The following GATAD2A variants were observed in gnomAD, a reference collection of about 807,000 sequenced individuals.
GATAD2A encodes the protein GATA zinc finger domain containing 2A, also known as transcriptional repressor p66-alpha.
In GATAD2A, 12 loss-of-function variants were observed where a neutral mutation model predicts 68.5. The observed-to-expected ratio is 0.18, with a 90% CI of 0.11 to 0.28. The LOEUF is 0.28. Ranked by LOEUF, GATAD2A falls within the 10% of genes least tolerant of loss-of-function variation. The probability of loss-of-function intolerance (pLI) is 1.00; values close to 1 mark genes in which losing one functional copy is unlikely to be tolerated. For synonymous variants in GATAD2A, 410 were observed against 375.3 expected (o/e 1.09, Z -1.07); for missense variants, 755 against 868.5 (o/e 0.87, Z 1.64).
chr19:19,391,485 A>G (rs1431769793), intron 1 of GATAD2A, among the ~76,000 whole-genome samples: 17 of 152,202 alleles, frequency 1.1e-4, no homozygotes. Flanking sequence ...AATTTATTAT[A>G]TTTAAAATAT....
upstream of GATAD2A, chr19:19,401,971 G>A (rs2049792484): frequency 6.6e-6 from 1 of 152,194 alleles, no homozygotes; most frequent in Non-Finnish European, 1.5e-5. Context: ...TATTTTTGCT[G>A]TAGTTAAGGT....
intron 8 of GATAD2A, among the ~76,000 whole-genome samples, chr19:19,498,972 G>A (rs1002710355): frequency 1.3e-5 from 2 of 152,226 alleles, no homozygotes; most frequent in African/African-American, 4.8e-5. Context: ...CCTCCGTGAC[G>A]TTGGCGTGTG....
chr19:19,498,528 C>T lies in GATAD2A; in HGVS notation c.1010C>T (p.Ser337Phe). ...TPTSVASVVT[S>F]AESPASRQAA... ...ACTAGTGTGGCCTCTGTGGTCACCT[C>T]TGCCGAGTCTCCAGCAAGCCGACAG... Residue 337 changes from serine (S) to phenylalanine (F), a missense_variant, in exon 8 of 12, where the codon TCT becomes TTT. By Grantham distance (155) the Ser-to-Phe change is radical (BLOSUM62 -2). Coordinates refer to ENST00000683918, the MANE Select transcript of GATAD2A (RefSeq NM_001384528.1). 1.2e-6 allele frequency: 2 copies of T among 1,613,930 alleles called. No individual in the cohort carries two copies. Among genetic ancestry groups the T allele is most frequent in the African/African-American group, 1.3e-5 (1 of 75,080 alleles).
intron 7 of GATAD2A, among the ~76,000 whole-genome samples, chr19:19,497,604 TG>T (rs2060236800): frequency 6.6e-6 from 1 of 152,106 alleles, no homozygotes; most frequent in Non-Finnish European, 1.5e-5. Context: ...GGCCGGTCTC[TG>T]GGAACCTTTC....
At chr19:19,490,847 G>A (rs1465409959) in intron 2 of GATAD2A, among the ~76,000 whole-genome samples, 4 of 152,186 alleles carry the variant, frequency 2.6e-5, no homozygotes, top group South Asian at 2.1e-4. Context: ...ATTGCACTAC[G>A]GCACTCCAGC....
intron 1 of GATAD2A, among the ~76,000 whole-genome samples, chr19:19,424,374 C>CGAA (rs2052805516): frequency 2.0e-5 from 3 of 152,158 alleles, no homozygotes; most frequent in South Asian, 2.1e-4. Flanking sequence ...TGACCATAGG[C>CGAA]ATGAGCCAGC....
intron 2 of GATAD2A, among the ~76,000 whole-genome samples, chr19:19,491,927 A>G (rs2059818504): frequency 6.6e-6 from 1 of 152,230 alleles, no homozygotes; most frequent in Non-Finnish European, 1.5e-5. Context: ...CACAATGGCT[A>G]ACACTGAGCA....
chr19:19,394,435 G>A (rs1156419828), intron 1 of GATAD2A, among the ~76,000 whole-genome samples: 1 of 151,300 alleles, frequency 6.6e-6, no homozygotes, highest in Non-Finnish European at 1.5e-5. Flanking sequence ...CCCTCTGCCC[G>A]GGCTTTCCTC....
At chr19:19,474,223 G>C in intron 2 of GATAD2A, 1 of 927,824 alleles carries the variant, frequency 1.1e-6, no homozygotes, top group Non-Finnish European at 1.3e-6. Context: ...AGGAGGGTGA[G>C]GTCGACACTG....
At chr19:19,398,878 G>A (rs1750863333) in intron 1 of GATAD2A, among the ~76,000 whole-genome samples, 1 of 151,992 alleles carries the variant, frequency 6.6e-6, no homozygotes, top group Non-Finnish European at 1.5e-5. Context: ...GGCCAACATG[G>A]TGAAACCCTG....
rs1441703763 is a variant in GATAD2A at position 19,462,119 on chromosome 19, C to CA, written c.-6-3220dup. 2.6e-5 allele frequency among the ~76,000 whole-genome samples: 4 copies of CA among 152,354 alleles called. No individual in the cohort carries two copies. The East Asian group carries it at 7.7e-4, about 29-fold the overall frequency. On this transcript the variant is annotated intron_variant, in intron 1 of 11. Transcript: ENST00000683918. Reference sequence around the variant, plus strand: ...TTAGGAAGTGTTCTAATGTACCCCCCACTGCTCTTTGCAGGAGTCATCTGT... The same window carrying CA: ...TTAGGAAGTGTTCTAATGTACCCCCCAACTGCTCTTTGCAGGAGTCATCTGT...
At chr19:19,482,875 G>A (rs1448056512) in intron 2 of GATAD2A, among the ~76,000 whole-genome samples, 1 of 151,914 alleles carries the variant, frequency 6.6e-6, no homozygotes, top group Non-Finnish European at 1.5e-5. Flanking sequence ...TTGGGCTGCA[G>A]TGGCCTCTGT....
chr19:19,458,667 A>G (rs1364415846), intron 1 of GATAD2A: 1 of 152,192 alleles, frequency 6.6e-6, no homozygotes, highest in Non-Finnish European at 1.5e-5. Context: ...TGGCCTATAT[A>G]GAAGGCGGGC....
At chr19:19,494,216 T>G (rs1271301658) in intron 4 of GATAD2A, 78 bp from the exon 5 acceptor site, 2 of 747,664 alleles carry the variant, frequency 2.7e-6, no homozygotes, top group Admixed American at 2.2e-5. Context: ...TTCGGCAGCA[T>G]TAAATCTTGG....
chr19:19,504,642 T>G (rs2060766340), intron 11 of GATAD2A, among the ~76,000 whole-genome samples: 2 of 87,700 alleles, frequency 2.3e-5, no homozygotes, highest in Middle Eastern at 7.2e-3. Context: ...TTTTTTTCCT[T>G]TTTTTTTTTT....
intron 5 of GATAD2A, among the ~76,000 whole-genome samples, chr19:19,495,491 T>C (rs1568335895): frequency 6.6e-6 from 1 of 152,028 alleles, no homozygotes; most frequent in Non-Finnish European, 1.5e-5. Context: ...GTATTTTTAG[T>C]AGAGATGGGG....
chr19:19,496,000 T>C (rs1242784450), intron 6 of GATAD2A, 52 bp from the exon 7 acceptor site: 3 of 1,595,294 alleles, frequency 1.9e-6, no homozygotes, highest in African/African-American at 2.7e-5. Context: ...CCGGTCCCGC[T>C]CCATTGTTGA....
chr19:19,425,780 TTTTTC>T (rs1454166843), intron 1 of GATAD2A, among the ~76,000 whole-genome samples: 4 of 151,544 alleles, frequency 2.6e-5, no homozygotes, highest in African/African-American at 4.9e-5. Context: ...AGTGGTTTTC[TTTTTC>T]TTTTCTTTTC....
At position 19,414,682 on chromosome 19, in the gene GATAD2A, G is replaced by A. The variant is rs1415309521; in HGVS notation, c.-7+8663G>A. Among the ~76,000 whole-genome samples the A allele has an allele frequency of 4.7e-5, 7 of 149,584 alleles. 1 individual carries two copies. The South Asian group carries it at 1.1e-3, about 23-fold the overall frequency. Reference sequence around the variant, plus strand: ...CTCCCAAGTAGCTGGGATTACAGGCGCACGCCACCACGCCCAGCTCTTTTT... The same window carrying A: ...CTCCCAAGTAGCTGGGATTACAGGCACACGCCACCACGCCCAGCTCTTTTT... On this transcript the variant is annotated intron_variant, in intron 1 of 11. Transcript: ENST00000683918.
Sources: gnomAD v4.1 joint callset for allele counts (sites outside exome capture counted in the v4.1 genomes callset) on GRCh38, gnomAD v4.1.1 for gene constraint, MANE v1.5 for transcripts, NCBI Gene and HGNC (gene_info 2026-07-23, HGNC 2026-07-21) for gene names.